UTRN: variants seen among roughly 807,000 people sequenced by gnomAD.
UTRN encodes utrophin.
A neutral mutation model predicts 463.9 loss-of-function variants in UTRN; 283 were observed. The observed-to-expected ratio is 0.61, with a 90% CI of 0.55 to 0.67. UTRN has a LOEUF of 0.67. UTRN is among the 30% of genes least tolerant of loss of function. The pLI is 0.00. For missense variants in UTRN, 3,922 were observed against 4,084.3 expected, an observed-to-expected ratio of 0.96 and a Z score of 1.08; for synonymous variants, 1,442 against 1,431.5, an observed-to-expected ratio of 1.01 and a Z score of -0.17.
intron 2 of UTRN, among the ~76,000 whole-genome samples, chr6:144,364,741 G>A (rs958275862): frequency 6.6e-6 from 1 of 152,116 alleles, no homozygotes; most frequent in African/African-American, 2.4e-5. Flanking sequence ...GTGTTGACAG[G>A]GCCATGTTCC....
chr6:144,744,320 A>ATATG lies in UTRN; in HGVS notation c.7940-3925_7940-3924insATGT, dbSNP rs1430903028. On this transcript the variant is annotated intron_variant, in intron 54 of 74. Transcript: ENST00000367545. The stretch of plus-strand genomic sequence containing the variant: ...ATGGTGTATACATATATATATATAT[A>ATATG]TGTGTGTGTGTGTGTGTGTGTGTGT... Among the ~76,000 whole-genome samples, 877 of 95,432 alleles carry ATATG rather than the reference A, an allele frequency of 9.2e-3. 15 individuals carry two copies. The highest frequency in any genetic ancestry group is 0.035 in the African/African-American group (797 of 22,656). 62.6% of individuals were successfully genotyped at this position (95,432 alleles called of 152,430 possible). A position where few individuals can be genotyped will look rare whatever the true frequency, so the allele number is the denominator to read the frequency against.
At chr6:144,753,783 C>A (rs1168641672) in intron 56 of UTRN, among the ~76,000 whole-genome samples, 1 of 151,398 alleles carries the variant, frequency 6.6e-6, no homozygotes, top group African/African-American at 2.4e-5. Context: ...GGGAGGATTG[C>A]ATGAGCCCAG....
At position 144,387,057 on chromosome 6, in the gene UTRN, T is replaced by A. The variant is rs112766544; in HGVS notation, c.80-16066T>A. The stretch of plus-strand genomic sequence containing the variant: ...TCTGAAAGTGAGTAAAATATTAGGC[T>A]TTGGAGAAAGTCTAGGTAGTTTGGT... On this transcript the variant is annotated intron_variant, in intron 2 of 74. Transcript: ENST00000367545. Among the ~76,000 whole-genome samples the A allele has an allele frequency of 8.3e-3, 1,268 of 152,314 alleles. 18 individuals carry two copies. The highest frequency in any genetic ancestry group is 0.028 in the African/African-American group (1,181 of 41,562).
chr6:144,548,712 C>T lies in UTRN; in HGVS notation c.6668C>T (p.Ser2223Leu), dbSNP rs746644873. 1.7e-5 allele frequency: 27 copies of T among 1,613,908 alleles called. No individual in the cohort carries two copies. The highest frequency in any genetic ancestry group is 1.3e-4 in the East Asian group (6 of 44,860). ...ATTCCTGTTCAGTCTCATCGTACTT[C>T]GGAAATTTCAATTCCTGCTGATCTT... is the stretch of plus-strand genomic sequence containing the variant. ...SDIPVQSHRT[S>L]EISIPADLDK... Residue 2223 changes from serine (S) to leucine (L), a missense_variant, in exon 47 of 75, where the codon TCG (serine) becomes TTG (leucine). By Grantham distance (145) the Ser-to-Leu change is moderately radical. Coordinates refer to ENST00000367545, the MANE Select transcript of UTRN (RefSeq NM_007124.3).
chr6:144,538,941 G>A (rs1483127138), intron 44 of UTRN, among the ~76,000 whole-genome samples: 2 of 152,126 alleles, frequency 1.3e-5, no homozygotes, highest in Non-Finnish European at 2.9e-5. Flanking sequence ...TAAACAATTT[G>A]AGGAGAGTTA....
At chr6:144,711,935 AAAC>A (rs1353838876) in intron 53 of UTRN, among the ~76,000 whole-genome samples, 1 of 152,098 alleles carries the variant, frequency 6.6e-6, no homozygotes, top group Non-Finnish European at 1.5e-5. Context: ...ATTGTCTTTA[AAAC>A]AACAACACCC....
chr6:144,290,653 C>A (rs1463777847), intron 1 of UTRN, among the ~76,000 whole-genome samples: 1 of 151,990 alleles, frequency 6.6e-6, no homozygotes, highest in Non-Finnish European at 1.5e-5. Context: ...ATTCATATAC[C>A]CATGAGCTAG....
At chr6:144,491,483 T>A (rs577327857) in intron 32 of UTRN, among the ~76,000 whole-genome samples, 1 of 152,264 alleles carries the variant, frequency 6.6e-6, no homozygotes, top group East Asian at 1.9e-4. Flanking sequence ...ATCGTAAAAA[T>A]TCCATTTTCT....
At chr6:144,593,754 T>C (rs1287598879) in intron 51 of UTRN, among the ~76,000 whole-genome samples, 1 of 152,198 alleles carries the variant, frequency 6.6e-6, no homozygotes, top group Non-Finnish European at 1.5e-5. Context: ...TCTACAAAGT[T>C]CATTCATTTA....
At chr6:144,456,695 TA>T (rs1554259175) in intron 19 of UTRN, among the ~76,000 whole-genome samples, 1 of 146,380 alleles carries the variant, frequency 6.8e-6, no homozygotes, top group Non-Finnish European at 1.5e-5. Flanking sequence ...ATAATAATAA[TA>T]AATAAAATAG....
intron 2 of UTRN, among the ~76,000 whole-genome samples, chr6:144,341,264 A>G (rs562990815): frequency 1.3e-5 from 2 of 152,254 alleles, no homozygotes; most frequent in Non-Finnish European, 2.9e-5. Flanking sequence ...ACATCAAAAA[A>G]TAAGGAAAAA....
intron 50 of UTRN, 115 bp downstream of exon 50, chr6:144,557,426 T>G: frequency 1.1e-6 from 1 of 870,600 alleles, no homozygotes; most frequent in East Asian, 3.6e-5. Flanking sequence ...ATTTTATTAT[T>G]ATGTATTTTT....
At chr6:144,844,368 A>G (rs924577194) in intron 73 of UTRN, among the ~76,000 whole-genome samples, 1 of 151,762 alleles carries the variant, frequency 6.6e-6, no homozygotes, top group Non-Finnish European at 1.5e-5. Context: ...TCCCAGGCTC[A>G]AGCAATTCTC....
intron 6 of UTRN, among the ~76,000 whole-genome samples, chr6:144,424,819 C>A (rs573070992): frequency 6.6e-6 from 1 of 152,082 alleles, no homozygotes; most frequent in East Asian, 1.9e-4. Flanking sequence ...TATTTTCTAA[C>A]GCCATGGCAT....
chr6:144,331,913 A>C (rs1469781449), intron 2 of UTRN, among the ~76,000 whole-genome samples: 1 of 151,942 alleles, frequency 6.6e-6, no homozygotes, highest in Non-Finnish European at 1.5e-5. Context: ...TATTCAGTGA[A>C]TCATATGGTG....
intron 34 of UTRN, among the ~76,000 whole-genome samples, chr6:144,507,797 G>A (rs1234762442): frequency 6.6e-6 from 1 of 152,142 alleles, no homozygotes; most frequent in East Asian, 1.9e-4. Flanking sequence ...GCTCTGTGCT[G>A]GGAGATCCGC....
At chr6:144,513,218 A>G (rs1795325090) in intron 35 of UTRN, among the ~76,000 whole-genome samples, 1 of 152,208 alleles carries the variant, frequency 6.6e-6, no homozygotes, top group South Asian at 2.1e-4. Flanking sequence ...TTTTCAATTC[A>G]TATTTTCATC....
intron 2 of UTRN, among the ~76,000 whole-genome samples, chr6:144,327,094 T>C (rs1258392518): frequency 6.6e-6 from 1 of 152,136 alleles, no homozygotes; most frequent in African/African-American, 2.4e-5. Context: ...GTGAATATTC[T>C]GTAAGAGATG....
chr6:144,563,773 C>T (rs1004011952), intron 50 of UTRN, among the ~76,000 whole-genome samples: 3 of 152,096 alleles, frequency 2.0e-5, no homozygotes, highest in Admixed American at 2.0e-4. Context: ...TCTATATTTT[C>T]CTCTTCTGTT....
Sources: gnomAD v4.1 joint callset for allele counts (sites outside exome capture counted in the v4.1 genomes callset) on GRCh38, gnomAD v4.1.1 for gene constraint, MANE v1.5 for transcripts, NCBI Gene and HGNC (gene_info 2026-07-23, HGNC 2026-07-21) for gene names.